Variants in SVIL observed in about 807,000 individuals in gnomAD.
The protein encoded by SVIL is archvillin.
In SVIL, 101 loss-of-function variants were observed where a neutral mutation model predicts 240.4. The observed-to-expected ratio is 0.42, with a 90% CI of 0.36 to 0.50. The LOEUF is 0.50. SVIL is among the 20% of genes least tolerant of loss of function. The pLI, the probability that SVIL is intolerant of heterozygous loss-of-function variation, is 0.01. For synonymous variants in SVIL, 999 were observed against 1,100.0 expected (o/e 0.91, Z 1.82); for missense variants, 2,512 against 2,818.7 (o/e 0.89, Z 2.46).
chr10:29,695,921 GTCTCCCTCTCCCTCTCCC>G (rs1159014662), intron 1 of SVIL, among the ~76,000 whole-genome samples: 9 of 56,048 alleles, frequency 1.6e-4, no homozygotes, highest in Admixed American at 4.5e-4. Context: ...TCCCTCTCCC[GTCTCCCTCTCCCTCTCCC>G]TCTCCCTCTC....
chr10:29,574,718 C>T (rs1174671558), intron 1 of SVIL, among the ~76,000 whole-genome samples: 4 of 152,194 alleles, frequency 2.6e-5, no homozygotes, highest in African/African-American at 2.4e-5. Context: ...AGAACCGGGG[C>T]CACTGTTGTA....
chr10:29,726,810 G>A (rs1233156811), intron 1 of SVIL, among the ~76,000 whole-genome samples: 1 of 152,138 alleles, frequency 6.6e-6, no homozygotes, highest in African/African-American at 2.4e-5. Flanking sequence ...TCAGCACAGG[G>A]CCTGGCAAAC....
chr10:29,580,540 C>A (rs932901625), intron 1 of SVIL, among the ~76,000 whole-genome samples: 1 of 152,222 alleles, frequency 6.6e-6, no homozygotes, highest in African/African-American at 2.4e-5. Flanking sequence ...GCACTACATG[C>A]TCCTCCAGAG....
intron 23 of SVIL, among the ~76,000 whole-genome samples, chr10:29,488,109 C>T (rs1428870450): frequency 1.3e-5 from 2 of 152,116 alleles, no homozygotes; most frequent in African/African-American, 2.4e-5. Flanking sequence ...GGCACTAGAG[C>T]GGAATGCAGG....
chr10:29,720,377 C>CA (rs753744150), intron 1 of SVIL, among the ~76,000 whole-genome samples: 1 of 151,998 alleles, frequency 6.6e-6, no homozygotes, highest in African/African-American at 2.4e-5. Context: ...CTATACCCAG[C>CA]AAAAATAGCT....
intron 33 of SVIL, among the ~76,000 whole-genome samples, chr10:29,467,074 G>A (rs1945015242): frequency 6.6e-6 from 1 of 152,118 alleles, no homozygotes; most frequent in African/African-American, 2.4e-5. Flanking sequence ...TAAGGTGCTG[G>A]CTGGTGTCTG....
At chr10:29,511,594 G>C (rs1244852171) in intron 17 of SVIL, among the ~76,000 whole-genome samples, 3 of 152,192 alleles carry the variant, frequency 2.0e-5, no homozygotes, top group Non-Finnish European at 2.9e-5. Context: ...TCACATTTTT[G>C]AAATCTGAAT....
At chr10:29,664,004 T>C (rs1161108917) in intron 2 of SVIL, among the ~76,000 whole-genome samples, 1 of 152,202 alleles carries the variant, frequency 6.6e-6, no homozygotes, top group Non-Finnish European at 1.5e-5. Flanking sequence ...TGGGGATATC[T>C]TCCTACGGGA....
intron 3 of SVIL, among the ~76,000 whole-genome samples, chr10:29,641,863 G>A (rs868650983): frequency 6.6e-6 from 1 of 152,138 alleles, no homozygotes; most frequent in African/African-American, 2.4e-5. Flanking sequence ...AACCCAGGAG[G>A]GATGCGATTA....
At position 29,522,615 on chromosome 10, in the gene SVIL, T is replaced by C. The variant is rs1950633002; in HGVS notation, c.3184A>G (p.Thr1062Ala). The change falls in exon 16 of 38, where the codon ACT (threonine) becomes GCT (alanine). Residue 1062 changes from threonine to alanine, a missense_variant. By Grantham distance (58) the Thr-to-Ala change is moderately conservative. Coordinates refer to ENST00000355867, the MANE Select transcript of SVIL (RefSeq NM_021738.3). ...SLRAAEFGEP[T>A]SEQTGTAAGK... Reference sequence around the variant, plus strand: ...GCAGCTGTCCCCGTCTGCTCGGAAGTGGGCTCCCCGAACTCTGCCGCTGGG... The same window carrying C: ...GCAGCTGTCCCCGTCTGCTCGGAAGCGGGCTCCCCGAACTCTGCCGCTGGG... 1 of 1,614,120 alleles carries C rather than the reference T, an allele frequency of 6.2e-7. No individual in the cohort carries two copies. Among genetic ancestry groups the C allele is most frequent in the South Asian group, 1.1e-5 (1 of 91,062 alleles).
chr10:29,651,618 T>TTCTCTCTCTCTCTCTCTCTCTCTCTCTC, intron 3 of SVIL, among the ~76,000 whole-genome samples: 1 of 135,430 alleles, frequency 7.4e-6, no homozygotes, highest in South Asian at 2.6e-4. Context: ...GCCACATGCA[T>TTCTCTCTCTCTCTCTCTCTCTCTCTCTC]TCTCTCTCTC....
At chr10:29,480,508 G>T in intron 29 of SVIL, 29 bp downstream of exon 29, 2 of 1,606,354 alleles carry the variant, frequency 1.2e-6, no homozygotes, top group Non-Finnish European at 1.7e-6. Context: ...GCCTCTTTCA[G>T]CTGGAAAAAA....
chr10:29,607,152 A>G (rs558490047), intron 1 of SVIL, among the ~76,000 whole-genome samples: 1 of 152,332 alleles, frequency 6.6e-6, no homozygotes, highest in African/African-American at 2.4e-5. Context: ...AGTTGCCATT[A>G]TGTTTATTGG....
At chr10:29,547,014 G>T (rs1952756611) in intron 6 of SVIL, among the ~76,000 whole-genome samples, 1 of 152,144 alleles carries the variant, frequency 6.6e-6, no homozygotes, top group African/African-American at 2.4e-5. Context: ...TTCCATATCA[G>T]ATGACATTAT....
chr10:29,465,894 C>G, intron 33 of SVIL, 144 bp from the exon 34 acceptor site: 1 of 1,011,344 alleles, frequency 9.9e-7, no homozygotes, highest in Non-Finnish European at 1.4e-6. Flanking sequence ...TGGAGAAAGC[C>G]TTTTCAAGTG....
intron 1 of SVIL, among the ~76,000 whole-genome samples, chr10:29,574,275 G>A (rs1955586480): frequency 6.6e-6 from 1 of 152,192 alleles, no homozygotes; most frequent in Non-Finnish European, 1.5e-5. Context: ...AGGAGAAGGG[G>A]TAAAACTGTG....
At chr10:29,693,604 C>T (rs1206121037) in intron 1 of SVIL, among the ~76,000 whole-genome samples, 3 of 152,142 alleles carry the variant, frequency 2.0e-5, no homozygotes, top group Non-Finnish European at 4.4e-5. Context: ...GGCGCCAGAC[C>T]TCACTGCACT....
chr10:29,629,817 AT>A (rs370088577), intron 1 of SVIL, among the ~76,000 whole-genome samples: 2,197 of 143,636 alleles, frequency 0.015, 105 homozygotes, highest in African/African-American at 0.05. Flanking sequence ...TGCCTCTAGA[AT>A]TTTTTTTTTT....
intron 29 of SVIL, among the ~76,000 whole-genome samples, chr10:29,477,517 C>A (rs1946326697): frequency 1.3e-5 from 2 of 152,310 alleles, no homozygotes; most frequent in South Asian, 4.1e-4. Flanking sequence ...TGTGCAGCTG[C>A]TGCTTTTGCT....
Sources: allele counts gnomAD v4.1 joint callset (sites outside exome capture counted in the v4.1 genomes callset), GRCh38; gene constraint gnomAD v4.1.1; transcripts MANE v1.5; gene names NCBI Gene and HGNC (gene_info 2026-07-23, HGNC 2026-07-21).